The following CCKAR variants were observed in gnomAD, a reference collection of about 807,000 sequenced individuals.
The protein encoded by CCKAR is cholecystokinin receptor type A.
CCKAR carries 21 observed loss-of-function variants against 29.8 expected under a neutral mutation model. The observed-to-expected ratio is 0.70, with a 90% confidence interval of 0.50 to 1.01. The LOEUF (loss-of-function observed/expected upper bound fraction) is 1.01, where lower values mean the gene tolerates loss of function less well. CCKAR is among the 50% of genes least tolerant of loss of function. The pLI, the probability that CCKAR is intolerant of heterozygous loss-of-function variation, is 0.00. For missense variants in CCKAR, 570 were observed against 560.6 expected, an observed-to-expected ratio of 1.02 and a Z score of -0.17; for synonymous variants, 238 against 221.3, an observed-to-expected ratio of 1.08 and a Z score of -0.67.
At chr4:26,488,697 C>T (rs1043430830) in intron 2 of CCKAR, among the ~76,000 whole-genome samples, 1 of 152,260 alleles carries the variant, frequency 6.6e-6, no homozygotes, top group East Asian at 1.9e-4. Flanking sequence ...TTGGGGAGAA[C>T]AGGCTGGGAA....
In CCKAR at chr4:26,485,413, T is replaced by A. The variant is rs139726847; in HGVS notation, c.626+224A>T. ...TAATAATAATACCTATCTTAGAGTG[T>A]TTTCAGAGGATTGATTGAATGAATA... is the stretch of plus-strand genomic sequence containing the variant. On this transcript the variant is annotated intron_variant, in intron 3 of 4. Coordinates refer to ENST00000295589, the MANE Select transcript of CCKAR (RefSeq NM_000730.3). 2.9e-3 allele frequency among the ~76,000 whole-genome samples: 439 copies of A among 152,162 alleles called. 4 individuals carry two copies. Among genetic ancestry groups the A allele is most frequent in the African/African-American group, 0.01 (417 of 41,502 alleles).
intron 2 of CCKAR, among the ~76,000 whole-genome samples, chr4:26,488,259 C>A (rs1399549407): frequency 6.6e-6 from 1 of 152,154 alleles, no homozygotes; most frequent in East Asian, 1.9e-4. Flanking sequence ...TTAAGAGAAC[C>A]ACAGCAGTTG....
At chr4:26,486,679 C>T (rs959788080) in intron 2 of CCKAR, among the ~76,000 whole-genome samples, 3 of 152,106 alleles carry the variant, frequency 2.0e-5, no homozygotes, top group Non-Finnish European at 4.4e-5. Context: ...TTTGGGAGTC[C>T]GAGGCAGGCA....
At position 26,488,647 on chromosome 4, in the gene CCKAR, C is replaced by CCT. The variant is rs144126731; in HGVS notation, c.364+584_364+585dup. On this transcript the variant is annotated intron_variant, in intron 2 of 4. Coordinates refer to ENST00000295589, the MANE Select transcript of CCKAR (RefSeq NM_000730.3). ...TCAACTCCTCATCTAGGGGCAGAGA[C>CCT]CTCTCTCTCTCTCTCTTTCTGCCAG... Among the ~76,000 whole-genome samples, 487 of 150,680 alleles carry CCT rather than the reference C, an allele frequency of 3.2e-3. 3 individuals are homozygous for CCT. The highest frequency in any genetic ancestry group is 0.011 in the African/African-American group (453 of 41,286).
intron 2 of CCKAR, among the ~76,000 whole-genome samples, chr4:26,487,437 C>T (rs953084324): frequency 6.6e-5 from 10 of 152,152 alleles, no homozygotes; most frequent in Admixed American, 2.6e-4. Context: ...GCCCAAAAAT[C>T]TCTAAGACTC....
In CCKAR at chr4:26,485,550, A is replaced by G. The variant is rs1326021645; in HGVS notation, c.626+87T>C. ...ACGTCTCCAGGAAACTGATCCCCCA[A>G]CCACTCTGGGCAAGGCATCTCAGTT... On this transcript the variant is annotated intron_variant, in intron 3 of 4. Coordinates refer to ENST00000295589, the MANE Select transcript of CCKAR (RefSeq NM_000730.3). 1.5e-5 allele frequency: 22 copies of G among 1,442,714 alleles called. No individual in the cohort carries two copies. In the Admixed American group the frequency reaches 1.8e-4, roughly 12 times the overall value. 89.4% of individuals were successfully genotyped at this position (1,442,714 alleles called of 1,614,324 possible).
intron 2 of CCKAR, among the ~76,000 whole-genome samples, chr4:26,488,808 C>T (rs1737496386): frequency 1.3e-5 from 2 of 152,178 alleles, no homozygotes; most frequent in East Asian, 3.9e-4. Context: ...GAACCCTCCT[C>T]CATCATCCTC....
Position 26,489,274 on chromosome 4 carries a change from A to G in CCKAR, c.323T>C (p.Ile108Thr). 1 of 1,614,140 alleles carries G rather than the reference A, an allele frequency of 6.2e-7. No individual in the cohort carries two copies. The highest frequency in any genetic ancestry group is 8.5e-7 in the Non-Finnish European group (1 of 1,180,014). ...GGTCTTGCAAACGGCGCTCCCGAAGATGAAATCCTTGAGCAGATTGGGGAT... is the reference window on the plus strand; with the variant it reads ...GGTCTTGCAAACGGCGCTCCCGAAGGTGAAATCCTTGAGCAGATTGGGGAT... ...NLIPNLLKDF[I>T]FGSAVCKTTT... The change falls in exon 2 of 5, where the codon ATC becomes ACC. Residue 108 changes from isoleucine (I) to threonine (T), a missense_variant. Ile to Thr is a moderately conservative substitution (Grantham distance 89). Transcript: ENST00000295589.
chr4:26,485,464 C>A (rs188806551), intron 3 of CCKAR, among the ~76,000 whole-genome samples, 173 bp downstream of exon 3: 1 of 152,092 alleles, frequency 6.6e-6, no homozygotes, highest in African/African-American at 2.4e-5. Context: ...AAACAGAGCT[C>A]GCCAGCTAAG....
In CCKAR at chr4:26,482,055, G is replaced by A; in HGVS notation, c.870C>T (p.Ser290=). The change falls in exon 5 of 5, where the codon AGC becomes AGT. Residue 290 remains serine, a synonymous_variant. Transcript: ENST00000295589. ...TACTCCGGATGCGGTTGGCCCTGCT[G>A]CTGCTGCCGGTGGACAGCTGCCGGA... ...LELRQLSTGS[S]SRANRIRSNS... is the part of the protein sequence containing the mutation. 6.2e-7 allele frequency: 1 copy of A among 1,614,228 alleles called. No homozygotes were observed. Among genetic ancestry groups the A allele is most frequent in the Non-Finnish European group, 8.5e-7 (1 of 1,180,038 alleles).
At chr4:26,488,465 G>A (rs1043399516) in intron 2 of CCKAR, among the ~76,000 whole-genome samples, 13 of 152,196 alleles carry the variant, frequency 8.5e-5, no homozygotes, top group Non-Finnish European at 1.9e-4. Flanking sequence ...ATCATGGAAG[G>A]CAAAGCACTT....
In CCKAR at chr4:26,485,796, G is replaced by A. The variant is rs1189470665; in HGVS notation, c.467C>T (p.Ser156Phe). The A allele has an allele frequency of 1.9e-6, 3 of 1,613,936 alleles. No homozygotes were observed. The highest frequency in any genetic ancestry group is 2.5e-6 in the Non-Finnish European group (3 of 1,180,006). Residue 156 changes from serine (S) to phenylalanine (F), a missense_variant, in exon 3 of 5, where the codon TCC becomes TTC. By Grantham distance (155) the Ser-to-Phe change is radical. Transcript: ENST00000295589. ...PLQSRVWQTK[S>F]HALKVIAATW... ...AGCAGCAATCACCTTCAAAGCATGG[G>A]ATTTTGTCTGCCAGACCCGGGACTG...
Position 26,482,049 on chromosome 4 carries a change from CCTG to C in CCKAR, c.873_875del (p.Ser291del), listed in dbSNP as rs752696887. 5.0e-6 allele frequency: 8 copies of C among 1,614,062 alleles called. No individual in the cohort carries two copies. Among genetic ancestry groups the C allele is most frequent in the African/African-American group, 1.3e-5 (1 of 74,936 alleles). ...AGCTGTTACTCCGGATGCGGTTGGCCCTGCTGCTGCTGCCGGTGGACAGCTGCC... is the reference window on the plus strand; with the variant it reads ...AGCTGTTACTCCGGATGCGGTTGGCCCTGCTGCTGCCGGTGGACAGCTGCC... On this transcript the variant is annotated inframe_deletion, in exon 5 of 5. Transcript: ENST00000295589.
chr4:26,485,606 G>A, intron 3 of CCKAR, 31 bp downstream of exon 3: 1 of 1,608,088 alleles, frequency 6.2e-7, no homozygotes, highest in South Asian at 1.1e-5. Context: ...ACATCAAGCT[G>A]TATTTTTAAA....
At chr4:26,489,681 G>A (rs1245235205) in intron 1 of CCKAR, among the ~76,000 whole-genome samples, 197 bp from the exon 2 acceptor site, 1 of 152,238 alleles carries the variant, frequency 6.6e-6, no homozygotes, top group Admixed American at 6.5e-5. Flanking sequence ...TTTTTAGAAG[G>A]TTGGTTTGTT....
At chr4:26,485,919 C>A in intron 2 of CCKAR, 21 bp from the exon 3 acceptor site, 1 of 1,606,122 alleles carries the variant, frequency 6.2e-7, no homozygotes, top group Non-Finnish European at 8.5e-7. Context: ...AACAAAGAAG[C>A]CGGTTATGTT....
intron 3 of CCKAR, among the ~76,000 whole-genome samples, chr4:26,485,198 A>T (rs1737425414): frequency 1.3e-5 from 2 of 151,124 alleles, no homozygotes; most frequent in Non-Finnish European, 3.0e-5. Context: ...CCGTCTCAAA[A>T]AAAAAAAAAA....
chr4:26,489,586 G>T (rs148568912), intron 1 of CCKAR, 102 bp from the exon 2 acceptor site: 9 of 1,369,646 alleles, frequency 6.6e-6, no homozygotes, highest in South Asian at 1.3e-5. Context: ...CCCCCCACCG[G>T]GGTGTACATC....
chr4:26,481,883 A>G lies in CCKAR; in HGVS notation c.1042T>C (p.Ser348Pro). ...AGGATGAAGGAAATGGGGGTTCCTGAGAGGCGGCGCTCTGCGGAGGCGGTG... is the reference window on the plus strand; with the variant it reads ...AGGATGAAGGAAATGGGGGTTCCTGGGAGGCGGCGCTCTGCGGAGGCGGTG... ...YDTASAERRL[S>P]GTPISFILLL... Residue 348 changes from serine (S) to proline (P), a missense_variant, in exon 5 of 5, where the codon TCA (serine) becomes CCA (proline). Physicochemically the swap from Ser to Pro is moderately conservative, Grantham distance 74 (BLOSUM62 -1). Coordinates refer to ENST00000295589, the MANE Select transcript of CCKAR (RefSeq NM_000730.3). The G allele has an allele frequency of 4.3e-6, 7 of 1,614,190 alleles. No homozygotes were observed. Among genetic ancestry groups the G allele is most frequent in the Non-Finnish European group, 5.9e-6 (7 of 1,180,018 alleles).
Sources: gnomAD v4.1 joint callset for allele counts (sites outside exome capture counted in the v4.1 genomes callset) on GRCh38, gnomAD v4.1.1 for gene constraint, MANE v1.5 for transcripts, NCBI Gene and HGNC (gene_info 2026-07-23, HGNC 2026-07-21) for gene names.